APBB1IP: variants seen among roughly 807,000 people sequenced by gnomAD.
APBB1IP encodes amyloid beta A4 precursor protein-binding family B member 1-interacting protein.
In APBB1IP, 27 loss-of-function variants were observed where a neutral mutation model predicts 64.9. The observed-to-expected ratio is 0.42, with a 90% CI of 0.31 to 0.57. The LOEUF is 0.57. Ranked by LOEUF, APBB1IP falls within the 20% of genes least tolerant of loss-of-function variation. The pLI, the probability that APBB1IP is intolerant of heterozygous loss-of-function variation, is 0.20. For missense variants in APBB1IP, 812 were observed against 845.5 expected, an observed-to-expected ratio of 0.96 and a Z score of 0.49; for synonymous variants, 392 against 331.0, an observed-to-expected ratio of 1.18 and a Z score of -2.00.
chr10:26,560,887 G>T, intron 13 of APBB1IP, 43 bp downstream of exon 13: 1 of 1,467,590 alleles, frequency 6.8e-7, no homozygotes, highest in Non-Finnish European at 9.3e-7. Flanking sequence ...TCAAAGCTTG[G>T]TGCTCCAGTT....
intron 3 of APBB1IP, among the ~76,000 whole-genome samples, chr10:26,493,979 G>C (rs1431589453): frequency 6.6e-6 from 1 of 152,062 alleles, no homozygotes; most frequent in East Asian, 1.9e-4. Context: ...AGGGACTACA[G>C]GTGCACGCCA....
In APBB1IP at chr10:26,486,041, GC is replaced by G. The variant is rs1212172126; in HGVS notation, c.1-6285del. Among the ~76,000 whole-genome samples the G allele has an allele frequency of 4.6e-5, 7 of 151,924 alleles. No homozygotes were observed. The East Asian group carries it at 1.4e-3, about 29-fold the overall frequency. ...GCCCAGGAGTTTGAGACCTGCCTGG[GC>G]AACATAGCAAGACCCTGTCTCTGCT... On this transcript the variant is annotated intron_variant, in intron 2 of 14. Coordinates refer to ENST00000376236, the MANE Select transcript of APBB1IP (RefSeq NM_019043.4).
chr10:26,467,928 G>GTTAGTA lies in APBB1IP; in HGVS notation c.1-24399_1-24398insTTAGTA, dbSNP rs1368468712. Among the ~76,000 whole-genome samples the GTTAGTA allele has an allele frequency of 1.8e-4, 27 of 152,282 alleles. No individual in the cohort carries two copies. In the East Asian group the frequency reaches 5.0e-3, roughly 28 times the overall value. On this transcript the variant is annotated intron_variant, in intron 2 of 14. Coordinates refer to ENST00000376236, the MANE Select transcript of APBB1IP (RefSeq NM_019043.4). Reference sequence around the variant, plus strand: ...TTATGTACTAACTATAAGAAGAACAGCAACAATGATAGAAACTACAACCGC... The same window carrying GTTAGTA: ...TTATGTACTAACTATAAGAAGAACAGTTAGTACAACAATGATAGAAACTACAACCGC...
chr10:26,465,415 TCTC>T (rs1835637300), intron 2 of APBB1IP, among the ~76,000 whole-genome samples: 1 of 152,130 alleles, frequency 6.6e-6, no homozygotes, highest in African/African-American at 2.4e-5. Flanking sequence ...GTGACAAACA[TCTC>T]ATCATTATGG....
At chr10:26,549,220 G>T (rs1183552833) in intron 11 of APBB1IP, among the ~76,000 whole-genome samples, 3 of 152,030 alleles carry the variant, frequency 2.0e-5, no homozygotes, top group Non-Finnish European at 2.9e-5. Context: ...TATTTAATTT[G>T]GATTGCTAGT....
intron 8 of APBB1IP, among the ~76,000 whole-genome samples, chr10:26,519,156 T>TG (rs1371599902): frequency 2.6e-5 from 1 of 38,588 alleles, no homozygotes; most frequent in African/African-American, 1.0e-4. Flanking sequence ...TGGGGTGGGG[T>TG]GGGGGGCATC....
At chr10:26,550,907 C>G (rs1338774467) in intron 11 of APBB1IP, among the ~76,000 whole-genome samples, 2 of 152,164 alleles carry the variant, frequency 1.3e-5, no homozygotes, top group Admixed American at 1.3e-4. Flanking sequence ...AGCAGATTGA[C>G]TTTTGTATGT....
chr10:26,560,375 C>T (rs1456725771), intron 12 of APBB1IP, among the ~76,000 whole-genome samples, 172 bp downstream of exon 12: 2 of 152,110 alleles, frequency 1.3e-5, no homozygotes, highest in Admixed American at 6.5e-5. Context: ...GATAGAAACA[C>T]GAACCTCTCC....
At chr10:26,446,618 G>A (rs1835401432) in intron 2 of APBB1IP, among the ~76,000 whole-genome samples, 1 of 152,192 alleles carries the variant, frequency 6.6e-6, no homozygotes, top group African/African-American at 2.4e-5. Context: ...TCTGCTCAAT[G>A]TAATATAATT....
intron 2 of APBB1IP, among the ~76,000 whole-genome samples, chr10:26,463,502 C>CTGAT (rs1318412306): frequency 6.6e-6 from 1 of 152,132 alleles, no homozygotes; most frequent in Non-Finnish European, 1.5e-5. Context: ...CCACTCCCTT[C>CTGAT]TGATTGATTG....
chr10:26,464,953 T>C (rs1319763270), intron 2 of APBB1IP, among the ~76,000 whole-genome samples: 2 of 152,324 alleles, frequency 1.3e-5, no homozygotes, highest in African/African-American at 2.4e-5. Context: ...TTTATTGATA[T>C]ATGAATTAAA....
intron 6 of APBB1IP, among the ~76,000 whole-genome samples, chr10:26,505,654 G>A (rs1836165445): frequency 6.6e-6 from 1 of 151,962 alleles, no homozygotes; most frequent in South Asian, 2.1e-4. Context: ...CTCAGCTAAT[G>A]ATTTTGTTGC....
intron 2 of APBB1IP, among the ~76,000 whole-genome samples, chr10:26,476,095 G>C (rs1420631762): frequency 6.8e-6 from 1 of 146,572 alleles, no homozygotes; most frequent in African/African-American, 2.5e-5. Flanking sequence ...GTCTCCCTCT[G>C]TGGCCCAGGC....
chr10:26,526,615 A>C (rs942281520), intron 8 of APBB1IP, among the ~76,000 whole-genome samples: 1 of 152,144 alleles, frequency 6.6e-6, no homozygotes, highest in Non-Finnish European at 1.5e-5. Context: ...GCTACTCGGG[A>C]GGCTGAGGCA....
intron 13 of APBB1IP, among the ~76,000 whole-genome samples, 192 bp downstream of exon 13, chr10:26,561,036 TTTC>T (rs1365903523): frequency 2.0e-5 from 3 of 150,918 alleles, no homozygotes; most frequent in Admixed American, 6.6e-5. Flanking sequence ...CTGTTTTCTT[TTTC>T]TTTTCTTTTT....
intron 2 of APBB1IP, among the ~76,000 whole-genome samples, chr10:26,479,972 C>A (rs931350272): frequency 1.3e-5 from 2 of 152,186 alleles, no homozygotes; most frequent in Non-Finnish European, 2.9e-5. Flanking sequence ...ACATGGCACC[C>A]TGTGGCATCC....
chr10:26,549,974 T>C lies in APBB1IP; in HGVS notation c.1155+8282T>C, dbSNP rs1224274451. Reference sequence around the variant, plus strand: ...TGAGAGCTTTCTTTGGCTGAAAAAGTCTTTATCTCCTTCATTTCTGAAGAA... The same window carrying C: ...TGAGAGCTTTCTTTGGCTGAAAAAGCCTTTATCTCCTTCATTTCTGAAGAA... On this transcript the variant is annotated intron_variant, in intron 11 of 14. Coordinates refer to ENST00000376236, the MANE Select transcript of APBB1IP (RefSeq NM_019043.4). Among the ~76,000 whole-genome samples the C allele has an allele frequency of 2.6e-5, 4 of 152,092 alleles. No homozygotes were observed. In the East Asian group the frequency reaches 7.7e-4, roughly 29 times the overall value.
rs182796677 is a variant in APBB1IP at position 26,549,234 on chromosome 10, T to C, written c.1155+7542T>C. 3.9e-5 allele frequency among the ~76,000 whole-genome samples: 6 copies of C among 152,330 alleles called. No homozygotes were observed. In the East Asian group the frequency reaches 1.2e-3, roughly 29 times the overall value. ...CTATTTAATTTGGATTGCTAGTATT[T>C]TTTTGAGGACTTTTGTATCTATGTT... On this transcript the variant is annotated intron_variant, in intron 11 of 14. Coordinates refer to ENST00000376236, the MANE Select transcript of APBB1IP (RefSeq NM_019043.4).
At chr10:26,459,042 A>G (rs1341461308) in intron 2 of APBB1IP, among the ~76,000 whole-genome samples, 3 of 149,758 alleles carry the variant, frequency 2.0e-5, no homozygotes, top group East Asian at 2.0e-4. Context: ...GCACCCATTA[A>G]CTTGTCATTT....
Sources: allele counts gnomAD v4.1 joint callset (sites outside exome capture counted in the v4.1 genomes callset), GRCh38; gene constraint gnomAD v4.1.1; transcripts MANE v1.5; gene names NCBI Gene and HGNC (gene_info 2026-07-23, HGNC 2026-07-21).